The following DHX57 variants were observed in gnomAD, a reference collection of about 807,000 sequenced individuals.
DHX57 encodes the protein putative ATP-dependent RNA helicase DHX57.
In DHX57, 105 loss-of-function variants were observed where a neutral mutation model predicts 156.2. That is an observed-to-expected ratio of 0.67 (90% CI 0.57 to 0.79). The LOEUF is 0.79. Among genes scored for constraint, DHX57 ranks in the 30% least tolerant of loss-of-function variants. The probability of loss-of-function intolerance (pLI) is 0.00; values close to 1 mark genes in which losing one functional copy is unlikely to be tolerated. For missense variants in DHX57, 1,847 were observed against 1,661.9 expected, an observed-to-expected ratio of 1.11 and a Z score of -1.94; for synonymous variants, 704 against 595.6, an observed-to-expected ratio of 1.18 and a Z score of -2.65.
intron 9 of DHX57, among the ~76,000 whole-genome samples, chr2:38,850,057 C>T (rs1033703069): frequency 1.3e-5 from 2 of 152,094 alleles, no homozygotes; most frequent in African/African-American, 4.8e-5. Flanking sequence ...GCAGGATCTA[C>T]AACAATGCCT....
intron 9 of DHX57, among the ~76,000 whole-genome samples, chr2:38,852,598 A>G (rs1282466448): frequency 1.8e-4 from 26 of 146,640 alleles, no homozygotes. Context: ...AAATATTCAG[A>G]CTTTTAATTT....
chr2:38,805,222 A>T (rs1162542629), intron 22 of DHX57, among the ~76,000 whole-genome samples: 2 of 152,202 alleles, frequency 1.3e-5, no homozygotes, highest in Non-Finnish European at 2.9e-5. Flanking sequence ...GAAAAGGCAG[A>T]TGACCTCCTG....
At chr2:38,831,598 T>TA (rs1397803081) in intron 13 of DHX57, among the ~76,000 whole-genome samples, 7 of 152,198 alleles carry the variant, frequency 4.6e-5, no homozygotes, top group Non-Finnish European at 1.0e-4. Flanking sequence ...CTCACGCCTG[T>TA]AATCCCAGCA....
At chr2:38,859,956 A>T (rs571865552) in intron 5 of DHX57, among the ~76,000 whole-genome samples, 2 of 151,844 alleles carry the variant, frequency 1.3e-5, no homozygotes, top group East Asian at 3.9e-4. Context: ...GACTCAGAGG[A>T]GTGCACAACC....
intron 21 of DHX57, among the ~76,000 whole-genome samples, chr2:38,808,754 T>C (rs1670083488): frequency 6.6e-6 from 1 of 152,204 alleles, no homozygotes; most frequent in South Asian, 2.1e-4. Context: ...ATATTATTTA[T>C]TTATTTGCAT....
chr2:38,804,562 T>G (rs1453369645), intron 22 of DHX57, among the ~76,000 whole-genome samples: 3 of 152,006 alleles, frequency 2.0e-5, no homozygotes, highest in African/African-American at 7.2e-5. Context: ...AACCCTCCAA[T>G]GGTGTCCAAG....
chr2:38,825,463 C>A (rs1195331640), intron 16 of DHX57, among the ~76,000 whole-genome samples: 2 of 152,046 alleles, frequency 1.3e-5, no homozygotes, highest in Non-Finnish European at 2.9e-5. Flanking sequence ...CTATCACACA[C>A]AGATAATTTT....
intron 22 of DHX57, 141 bp downstream of exon 22, chr2:38,806,418 T>G: frequency 1.1e-6 from 1 of 946,974 alleles, no homozygotes; most frequent in Non-Finnish European, 1.5e-6. Context: ...TTCCAGTCTG[T>G]TTATTCTTAT....
At chr2:38,834,289 C>G (rs909353529) in intron 13 of DHX57, among the ~76,000 whole-genome samples, 4 of 143,892 alleles carry the variant, frequency 2.8e-5, no homozygotes, top group African/African-American at 1.0e-4. Flanking sequence ...CGAGATCACA[C>G]CATTGCACTC....
At position 38,847,067 on chromosome 2, in the gene DHX57, G is replaced by A. The variant is rs747806873; in HGVS notation, c.2171C>T (p.Thr724Ile). 1 of 1,613,228 alleles carries A rather than the reference G, an allele frequency of 6.2e-7. No individual in the cohort carries two copies. Among genetic ancestry groups the A allele is most frequent in the East Asian group, 2.2e-5 (1 of 44,822 alleles). The change falls in exon 11 of 24, where the codon ACA (threonine) becomes ATA (isoleucine). Residue 724 changes from threonine (T) to isoleucine (I), a missense_variant. Physicochemically the swap from Thr to Ile is moderately conservative, Grantham distance 89. Coordinates refer to ENST00000457308, the MANE Select transcript of DHX57 (RefSeq NM_198963.3). The part of the protein sequence containing the change: ...SCPVITIPGR[T>I]FPVDQFFLED... ...CAAAAAAAATTGATCAACAGGAAAT[G>A]TACGACCTAGAAAAACAAGGAGACA...
intron 23 of DHX57, among the ~76,000 whole-genome samples, chr2:38,801,712 A>T (rs1482902579): frequency 6.6e-6 from 1 of 152,084 alleles, no homozygotes; most frequent in African/African-American, 2.4e-5. Flanking sequence ...CTCCTGCCTC[A>T]GCATCCTGAA....
intron 17 of DHX57, 127 bp from the exon 18 acceptor site, chr2:38,819,271 C>T: frequency 1.2e-6 from 1 of 803,190 alleles, no homozygotes; most frequent in South Asian, 1.7e-5. Flanking sequence ...ATCTCCCAGG[C>T]TTAAGCAATC....
chr2:38,850,192 A>G (rs184814954), intron 9 of DHX57, among the ~76,000 whole-genome samples: 328 of 152,366 alleles, frequency 2.2e-3, no homozygotes, highest in African/African-American at 7.0e-3. Context: ...ATATCCATGC[A>G]TAGAAAGATG....
rs148275891 is a variant in DHX57, at chr2:38,868,783, G to C, written c.-6-372C>G. Among the ~76,000 whole-genome samples the C allele has an allele frequency of 2.8e-4, 42 of 151,130 alleles. 1 individual carries two copies. In the East Asian group the frequency reaches 8.3e-3, roughly 30 times the overall value. On this transcript the variant is annotated intron_variant, in intron 1 of 23. Coordinates refer to ENST00000457308, the MANE Select transcript of DHX57 (RefSeq NM_198963.3). ...AGGCTTTAATCCTAGATTCTCATTT[G>C]GTTAGGTCTAATTTAGAGTTTTATT...
chr2:38,836,897 A>C (rs2124854925), intron 13 of DHX57, among the ~76,000 whole-genome samples: 1 of 152,184 alleles, frequency 6.6e-6, no homozygotes, highest in East Asian at 1.9e-4. Flanking sequence ...CTGTTGCCTA[A>C]GCTGGAGTGC....
chr2:38,847,402 T>A (rs560136440), intron 10 of DHX57, among the ~76,000 whole-genome samples: 29 of 152,216 alleles, frequency 1.9e-4, no homozygotes, highest in Non-Finnish European at 4.0e-4. Context: ...GTATTCTAGA[T>A]CAAACACAAA....
At chr2:38,865,733 G>A (rs962396043) in intron 2 of DHX57, among the ~76,000 whole-genome samples, 2 of 152,000 alleles carry the variant, frequency 1.3e-5, no homozygotes, top group Non-Finnish European at 2.9e-5. Flanking sequence ...TTCTCTATTC[G>A]ATTTTATCCA....
chr2:38,874,660 C>T (rs1004712603), intron 1 of DHX57, among the ~76,000 whole-genome samples: 15 of 151,932 alleles, frequency 9.9e-5, no homozygotes, highest in African/African-American at 3.4e-4. Flanking sequence ...CCGCCCGCCT[C>T]GGCCTCCCAC....
chr2:38,833,233 C>T (rs1217825500), intron 13 of DHX57, among the ~76,000 whole-genome samples: 1 of 152,018 alleles, frequency 6.6e-6, no homozygotes, highest in Non-Finnish European at 1.5e-5. Flanking sequence ...ACCTCCGCCT[C>T]CTGGGTTCAA....
Sources: gnomAD v4.1 joint callset for allele counts (sites outside exome capture counted in the v4.1 genomes callset) on GRCh38, gnomAD v4.1.1 for gene constraint, MANE v1.5 for transcripts, NCBI Gene and HGNC (gene_info 2026-07-23, HGNC 2026-07-21) for gene names.